Variants in MAK observed in about 807,000 individuals in gnomAD.
The protein encoded by MAK is serine/threonine-protein kinase MAK.
A neutral mutation model predicts 82.6 loss-of-function variants in MAK; 65 were observed. The observed-to-expected ratio is 0.79, with a 90% CI of 0.64 to 0.97. MAK has a LOEUF of 0.97. Among genes scored for constraint, MAK ranks in the 50% least tolerant of loss-of-function variants. The pLI is 0.00. For synonymous variants in MAK, 250 were observed against 274.2 expected, an observed-to-expected ratio of 0.91 and a Z score of 0.87; for missense variants, 703 against 780.2, an observed-to-expected ratio of 0.90 and a Z score of 1.18.
intron 1 of MAK, among the ~76,000 whole-genome samples, chr6:10,835,836 C>A (rs1019240979): frequency 5.9e-5 from 9 of 152,136 alleles, no homozygotes; most frequent in African/African-American, 2.2e-4. Context: ...GCCCAACAAT[C>A]TAAAAATTAA....
intron 1 of MAK, among the ~76,000 whole-genome samples, chr6:10,831,476 G>T (rs1778804635): frequency 6.6e-6 from 1 of 152,162 alleles, no homozygotes; most frequent in Non-Finnish European, 1.5e-5. Context: ...ACATAGCCGG[G>T]CGTGGTGGCT....
chr6:10,834,858 T>C (rs1158529847), intron 1 of MAK, among the ~76,000 whole-genome samples: 1 of 152,252 alleles, frequency 6.6e-6, no homozygotes, highest in African/African-American at 2.4e-5. Context: ...CCTGGCTGAA[T>C]GACAGATCAA....
chr6:10,764,503 G>A lies in MAK; in HGVS notation c.1896C>T (p.Pro632=), dbSNP rs1309311779. 3 of 1,613,918 alleles carry A rather than the reference G, an allele frequency of 1.9e-6. No homozygotes were observed. Among genetic ancestry groups the A allele is most frequent in the Admixed American group, 3.3e-5 (2 of 60,022 alleles). The part of the protein sequence containing the change: ...LNIVNRAQPI[P]SVHGRTDWVA... ...CCCAGTCTGTCCTCCCATGCACTGAGGGAATGGGCTGTGCACGGTTCACAA... is the reference window on the plus strand; with the variant it reads ...CCCAGTCTGTCCTCCCATGCACTGAAGGAATGGGCTGTGCACGGTTCACAA... Residue 632 remains proline, a synonymous_variant, in exon 15 of 15, where the codon CCC becomes CCT. Coordinates refer to ENST00000354489, the MANE Select transcript of MAK (RefSeq NM_001242957.3).
intron 12 of MAK, among the ~76,000 whole-genome samples, chr6:10,775,030 T>C (rs747745648): frequency 8.1e-4 from 124 of 152,280 alleles, no homozygotes; most frequent in Middle Eastern, 3.4e-3. Context: ...GTTGGCCAGG[T>C]TGATCTCGAA....
At chr6:10,814,215 C>A (rs1431850726) in intron 4 of MAK, among the ~76,000 whole-genome samples, 1 of 152,002 alleles carries the variant, frequency 6.6e-6, no homozygotes, top group Non-Finnish European at 1.5e-5. Context: ...GCGATCTGCC[C>A]ACCTCGGCCT....
intron 2 of MAK, among the ~76,000 whole-genome samples, chr6:10,824,173 A>G (rs1049051579): frequency 2.0e-5 from 3 of 152,326 alleles, no homozygotes; most frequent in Admixed American, 1.3e-4. Context: ...TGAATATTCA[A>G]TGTAGGTTAA....
intron 14 of MAK, among the ~76,000 whole-genome samples, chr6:10,767,714 G>A (rs574716180): frequency 2.6e-5 from 4 of 151,750 alleles, no homozygotes; most frequent in South Asian, 4.2e-4. Context: ...GCTTGAACCC[G>A]GGTGGCAGAG....
intron 10 of MAK, among the ~76,000 whole-genome samples, chr6:10,790,538 T>C (rs1181971658): frequency 6.6e-6 from 1 of 152,212 alleles, no homozygotes; most frequent in East Asian, 1.9e-4. Context: ...GCTAGAGATA[T>C]TAAACTTCCA....
At chr6:10,787,915 GT>G (rs1364471647) in intron 10 of MAK, among the ~76,000 whole-genome samples, 2 of 151,698 alleles carry the variant, frequency 1.3e-5, no homozygotes, top group African/African-American at 4.8e-5. Flanking sequence ...CTGTCATACA[GT>G]TTTTCTAAAG....
At chr6:10,815,913 T>TGTGTATATATATATATAA (rs1777445549) in intron 4 of MAK, among the ~76,000 whole-genome samples, 1 of 4,800 alleles carries the variant, frequency 2.1e-4, no homozygotes, top group Non-Finnish European at 6.6e-4. Flanking sequence ...CTTTATACAG[T>TGTGTATATATATATATAA]ATATATATAT....
intron 5 of MAK, 106 bp from the exon 6 acceptor site, chr6:10,809,048 A>T (rs528227382): frequency 9.6e-7 from 1 of 1,039,294 alleles, no homozygotes; most frequent in East Asian, 2.4e-5. Context: ...TTTATAATTC[A>T]AAACATCATC....
chr6:10,782,232 ACACACACACACAC>A lies in MAK; in HGVS notation c.1465+2179_1465+2191del, dbSNP rs1472599392. Among the ~76,000 whole-genome samples the A allele has an allele frequency of 4.0e-5, 6 of 151,516 alleles. 1 individual carries two copies. In the South Asian group the frequency reaches 1.3e-3, roughly 32 times the overall value. On this transcript the variant is annotated intron_variant, in intron 11 of 14. Coordinates refer to ENST00000354489, the MANE Select transcript of MAK (RefSeq NM_001242957.3). ...CACACACACACACACACACACACACACACACACACACACACACAGACACACACCAAAACTATTT... is the reference window on the plus strand; with the variant it reads ...CACACACACACACACACACACACACAACACAGACACACACCAAAACTATTT...
At chr6:10,831,939 A>G (rs1778843144) in intron 1 of MAK, among the ~76,000 whole-genome samples, 1 of 152,152 alleles carries the variant, frequency 6.6e-6, no homozygotes, top group Non-Finnish European at 1.5e-5. Context: ...GACAAAAAAG[A>G]ATTTTTTTCT....
chr6:10,783,543 A>T (rs139507028), intron 11 of MAK, among the ~76,000 whole-genome samples: 2 of 152,222 alleles, frequency 1.3e-5, no homozygotes, highest in East Asian at 3.9e-4. Context: ...CACAAGTCCT[A>T]TTGGTTCCAG....
chr6:10,785,084 C>T (rs1422151910), intron 10 of MAK, among the ~76,000 whole-genome samples: 1 of 152,188 alleles, frequency 6.6e-6, no homozygotes, highest in East Asian at 1.9e-4. Flanking sequence ...ATGCCTGTGT[C>T]TCAGCCAGAA....
chr6:10,799,990 G>C (rs1203195394), intron 8 of MAK, among the ~76,000 whole-genome samples: 2 of 152,176 alleles, frequency 1.3e-5, no homozygotes, highest in Non-Finnish European at 2.9e-5. Flanking sequence ...GGAGGGTGTA[G>C]TGAACCGAGA....
intron 2 of MAK, among the ~76,000 whole-genome samples, chr6:10,825,686 T>C (rs918183822): frequency 6.6e-6 from 1 of 151,542 alleles, no homozygotes; most frequent in Non-Finnish European, 1.5e-5. Context: ...ACCACCACTA[T>C]ACATTTAAGC....
intron 2 of MAK, among the ~76,000 whole-genome samples, chr6:10,822,113 C>G (rs1288646971): frequency 6.9e-6 from 1 of 144,522 alleles, no homozygotes; most frequent in Admixed American, 7.1e-5. Context: ...CACCACTGCA[C>G]TCCAGCCTGG....
At chr6:10,772,869 A>G (rs931526307) in intron 13 of MAK, among the ~76,000 whole-genome samples, 165 bp downstream of exon 13, 1 of 152,182 alleles carries the variant, frequency 6.6e-6, no homozygotes, top group African/African-American at 2.4e-5. Context: ...CTGAAGGAAG[A>G]TATTCTTGAT....
Sources: gnomAD v4.1 joint callset for allele counts (sites outside exome capture counted in the v4.1 genomes callset) on GRCh38, gnomAD v4.1.1 for gene constraint, MANE v1.5 for transcripts, NCBI Gene and HGNC (gene_info 2026-07-23, HGNC 2026-07-21) for gene names.